Variants in CADPS observed in about 807,000 individuals in gnomAD.
CADPS encodes the protein calcium-dependent secretion activator 1.
A neutral mutation model predicts 167.3 loss-of-function variants in CADPS; 57 were observed. The observed-to-expected ratio is 0.34, with a 90% CI of 0.28 to 0.42. The LOEUF is 0.42. Ranked by LOEUF, CADPS falls within the 20% of genes least tolerant of loss-of-function variation. The pLI is 1.00. For missense variants in CADPS, 1,414 were observed against 1,738.1 expected (o/e 0.81, Z 3.32); for synonymous variants, 676 against 635.3 (o/e 1.06, Z -0.96).
intron 28 of CADPS, among the ~76,000 whole-genome samples, chr3:62,434,760 A>G (rs931012852): frequency 6.6e-6 from 1 of 152,212 alleles, no homozygotes; most frequent in Non-Finnish European, 1.5e-5. Flanking sequence ...GCACCGTTAA[A>G]TGACCAGCTA....
At chr3:62,467,009 A>G (rs1285661220) in intron 24 of CADPS, among the ~76,000 whole-genome samples, 2 of 152,262 alleles carry the variant, frequency 1.3e-5, no homozygotes, top group African/African-American at 4.8e-5. Flanking sequence ...TACATGGATA[A>G]ACAGACCCAG....
intron 21 of CADPS, among the ~76,000 whole-genome samples, chr3:62,488,318 C>T (rs564958720): frequency 6.6e-6 from 1 of 152,256 alleles, no homozygotes; most frequent in African/African-American, 2.4e-5. Flanking sequence ...TGGAGAGAGT[C>T]ACTCCTCTTA....
chr3:62,403,256 A>C lies in CADPS; in HGVS notation c.3778-71T>G. ...TTTATAGGGCAGAGAGAGAGCAGGC[A>C]ATGTTTGAGTACCCCACTCTGTTCC... On this transcript the variant is annotated intron_variant, in intron 28 of 29. Coordinates refer to ENST00000383710, the MANE Select transcript of CADPS (RefSeq NM_003716.4). The C allele has an allele frequency of 1.1e-5, 11 of 982,090 alleles. No individual in the cohort carries two copies. In the South Asian group the frequency reaches 1.5e-4, roughly 13 times the overall value. 60.8% of individuals were successfully genotyped at this position (982,090 alleles called of 1,614,324 possible).
chr3:62,782,724 G>A lies in CADPS; in HGVS notation c.442-16740C>T, dbSNP rs534455238. On this transcript the variant is annotated intron_variant, in intron 1 of 29. Coordinates refer to ENST00000383710, the MANE Select transcript of CADPS (RefSeq NM_003716.4). ...AATTATCTTTGGTGCATAAGCATGG[G>A]ATTTTAGGAGTTTTGCATATAGTGT... Among the ~76,000 whole-genome samples, 93 of 151,866 alleles carry A rather than the reference G, an allele frequency of 6.1e-4. 3 individuals carry two copies. The South Asian group carries it at 0.019, about 30-fold the overall frequency.
chr3:62,867,041 CAT>C (rs142907702), intron 1 of CADPS, among the ~76,000 whole-genome samples: 7 of 151,460 alleles, frequency 4.6e-5, no homozygotes, highest in African/African-American at 1.7e-4. Flanking sequence ...AAGTTTTGAA[CAT>C]ATATATATAT....
chr3:62,851,463 A>G (rs935231788), intron 1 of CADPS, among the ~76,000 whole-genome samples: 16 of 149,736 alleles, frequency 1.1e-4, no homozygotes, highest in Admixed American at 1.1e-3. Flanking sequence ...CTTTTAGGGC[A>G]GGCCTTGTGG....
In CADPS at chr3:62,491,320, T is replaced by A; in HGVS notation, c.3026+19A>T. 6.2e-7 allele frequency: 1 copy of A among 1,612,224 alleles called. No individual in the cohort carries two copies. The highest frequency in any genetic ancestry group is 8.5e-7 in the Non-Finnish European group (1 of 1,179,308). ...CATTTGTACCCAAACTCCGATGGTA[T>A]CAAAAAAGGTTTCCTTACTTGACTG... On this transcript the variant is annotated intron_variant, in intron 21 of 29. Transcript: ENST00000383710.
At chr3:62,683,408 C>T (rs1563798302) in intron 3 of CADPS, among the ~76,000 whole-genome samples, 1 of 151,992 alleles carries the variant, frequency 6.6e-6, no homozygotes, top group Non-Finnish European at 1.5e-5. Flanking sequence ...CATACAAAGG[C>T]TCGTTTGTGA....
chr3:62,762,619 G>A (rs972897801), intron 2 of CADPS, among the ~76,000 whole-genome samples: 10 of 142,890 alleles, frequency 7.0e-5, no homozygotes, highest in Non-Finnish European at 1.5e-5. Context: ...TTATATGACT[G>A]CACTCCAGCC....
At chr3:62,687,976 T>C (rs1376938478) in intron 3 of CADPS, among the ~76,000 whole-genome samples, 1 of 152,000 alleles carries the variant, frequency 6.6e-6, no homozygotes, top group African/African-American at 2.4e-5. Flanking sequence ...TTCAAATCCC[T>C]TTCATCATTT....
At chr3:62,853,637 AAAG>A (rs1271588177) in intron 1 of CADPS, among the ~76,000 whole-genome samples, 76 of 143,516 alleles carry the variant, frequency 5.3e-4, no homozygotes, top group African/African-American at 1.8e-3. Context: ...AAAAAAAAAA[AAAG>A]AAAAGAAAAG....
intron 17 of CADPS, among the ~76,000 whole-genome samples, chr3:62,510,070 T>C (rs1442532048): frequency 1.3e-5 from 2 of 152,132 alleles, no homozygotes; most frequent in Non-Finnish European, 2.9e-5. Context: ...GTGGCTGCTC[T>C]CTTCTCTCTT....
chr3:62,690,403 C>T (rs1350447357), intron 3 of CADPS, among the ~76,000 whole-genome samples: 4 of 152,044 alleles, frequency 2.6e-5, no homozygotes, highest in African/African-American at 9.7e-5. Flanking sequence ...AAGTTCACTT[C>T]ACTCGTTTGT....
At chr3:62,504,988 C>T (rs1576948557) in intron 17 of CADPS, among the ~76,000 whole-genome samples, 1 of 152,066 alleles carries the variant, frequency 6.6e-6, no homozygotes, top group East Asian at 1.9e-4. Context: ...AAGTTCCAGC[C>T]TATTGATGTG....
chr3:62,522,189 T>C (rs1055257278), intron 13 of CADPS, among the ~76,000 whole-genome samples: 8 of 152,112 alleles, frequency 5.3e-5, no homozygotes, highest in African/African-American at 1.9e-4. Context: ...TAAGGTGGAG[T>C]GCAGTGGCGC....
intron 1 of CADPS, among the ~76,000 whole-genome samples, chr3:62,823,657 T>A (rs2073441652): frequency 6.6e-6 from 1 of 152,214 alleles, no homozygotes; most frequent in Non-Finnish European, 1.5e-5. Flanking sequence ...CTCCTTTTTC[T>A]ACCTCCCAAA....
chr3:62,579,517 A>C (rs996316309), intron 8 of CADPS, among the ~76,000 whole-genome samples: 6 of 152,304 alleles, frequency 3.9e-5, no homozygotes, highest in Non-Finnish European at 5.9e-5. Context: ...AAAACAAAAC[A>C]GAGTAAGAGA....
chr3:62,687,165 T>C (rs922386830), intron 3 of CADPS, among the ~76,000 whole-genome samples: 2 of 152,108 alleles, frequency 1.3e-5, no homozygotes, highest in Non-Finnish European at 2.9e-5. Context: ...TAGATCAGGG[T>C]TGAGGGGGCC....
chr3:62,638,103 A>ATATATATG (rs2066686724), intron 6 of CADPS, among the ~76,000 whole-genome samples: 1 of 146,800 alleles, frequency 6.8e-6, no homozygotes, highest in African/African-American at 2.6e-5. Flanking sequence ...ATGTATATAT[A>ATATATATG]TATAGCAATT....
Sources: allele counts gnomAD v4.1 joint callset (sites outside exome capture counted in the v4.1 genomes callset), GRCh38; gene constraint gnomAD v4.1.1; transcripts MANE v1.5; gene names NCBI Gene and HGNC (gene_info 2026-07-23, HGNC 2026-07-21).